Variants in CHL1 observed in about 807,000 individuals in gnomAD.
The protein encoded by CHL1 is cell adhesion molecule L1 like.
A neutral mutation model predicts 141.9 loss-of-function variants in CHL1; 96 were observed. That is an observed-to-expected ratio of 0.68 (90% CI 0.57 to 0.80). CHL1 has a LOEUF of 0.80. CHL1 is among the 30% of genes least tolerant of loss of function. The pLI, the probability that CHL1 is intolerant of heterozygous loss-of-function variation, is 0.00. For missense variants in CHL1, 1,820 were observed against 1,457.2 expected, an observed-to-expected ratio of 1.25 and a Z score of -4.05; for synonymous variants, 613 against 502.2, an observed-to-expected ratio of 1.22 and a Z score of -2.95.
chr3:292,181 A>C (rs1192935718), intron 2 of CHL1, among the ~76,000 whole-genome samples: 1 of 152,208 alleles, frequency 6.6e-6, no homozygotes, highest in East Asian at 1.9e-4. Context: ...AATCTTATAA[A>C]AATATCTAAA....
rs1173555228 is a variant in CHL1 at position 329,998 on chromosome 3, G to A, written c.385+1644G>A. 4.6e-5 allele frequency among the ~76,000 whole-genome samples: 7 copies of A among 152,108 alleles called. 1 individual carries two copies. The highest frequency in any genetic ancestry group is 1.7e-4 in the African/African-American group (7 of 41,544). ...CACTCAAGCAGAGAAAAACATCAGT[G>A]AGCATATAGAAGATTTAAAGAATAC... On this transcript the variant is annotated intron_variant, in intron 5 of 27. Coordinates refer to ENST00000256509, the MANE Select transcript of CHL1 (RefSeq NM_006614.4).
intron 24 of CHL1, among the ~76,000 whole-genome samples, chr3:396,248 G>T (rs934783242): frequency 2.0e-5 from 3 of 152,110 alleles, no homozygotes; most frequent in Non-Finnish European, 4.4e-5. Context: ...GTAACTAAAA[G>T]GTTCTTATGT....
chr3:268,521 C>T (rs1443340010), intron 2 of CHL1, among the ~76,000 whole-genome samples: 1 of 151,584 alleles, frequency 6.6e-6, no homozygotes, highest in South Asian at 2.1e-4. Flanking sequence ...GGTGACAGAG[C>T]GGGACCCCAT....
intron 2 of CHL1, among the ~76,000 whole-genome samples, chr3:265,938 T>C (rs541538363): frequency 1.8e-4 from 28 of 152,286 alleles, no homozygotes; most frequent in African/African-American, 6.3e-4. Context: ...AACCATCCCA[T>C]GCACAGAGAA....
At chr3:300,211 C>G (rs947029979) in intron 2 of CHL1, among the ~76,000 whole-genome samples, 4 of 152,178 alleles carry the variant, frequency 2.6e-5, no homozygotes, top group Non-Finnish European at 5.9e-5. Flanking sequence ...CCCAAGATAT[C>G]AGTTTGAATC....
rs1312193108 is a variant in CHL1, at chr3:341,961, A to T, written c.558A>T (p.Gly186=). The T allele has an allele frequency of 1.9e-6, 3 of 1,613,102 alleles. No homozygotes were observed. The Admixed American group carries it at 5.0e-5, about 27-fold the overall frequency. Residue 186 remains glycine (G), a synonymous_variant, in exon 7 of 28, where the codon GGA becomes GGT. Transcript: ENST00000256509. ...QDERVYMSQK[G]DLYFANVEEK... is the part of the protein sequence containing the mutation. ...AAAGAGTATACATGAGCCAAAAGGG[A>T]GATCTATACTTCGCAAACGTGGAAG...
rs773937277 is a variant in CHL1 at position 405,610 on chromosome 3, A to G, written c.3574A>G (p.Ser1192Gly). The G allele has an allele frequency of 1.9e-6, 3 of 1,613,286 alleles. No individual in the cohort carries two copies. The highest frequency in any genetic ancestry group is 1.3e-5 in the African/African-American group (1 of 74,864). ...EYGEGDHGLF[S>G]EDGSFIGAYA... ...CGGAGAGGGAGACCATGGTCTCTTC[A>G]GTGAAGATGGATCATTTATTGGTGC... Residue 1192 changes from serine (S) to glycine (G), a missense_variant, in exon 28 of 28, where the codon AGT becomes GGT. Ser to Gly is a moderately conservative substitution (Grantham distance 56). Transcript: ENST00000256509.
At chr3:348,738 T>G (rs1213582726) in intron 9 of CHL1, among the ~76,000 whole-genome samples, 1 of 152,214 alleles carries the variant, frequency 6.6e-6, no homozygotes, top group East Asian at 1.9e-4. Context: ...CATTCCTCCT[T>G]TCCTCTGCTT....
intron 2 of CHL1, among the ~76,000 whole-genome samples, chr3:272,442 G>C (rs959736647): frequency 6.6e-6 from 1 of 152,126 alleles, no homozygotes; most frequent in African/African-American, 2.4e-5. Flanking sequence ...ATTTCAGGAA[G>C]GCAAACTGCA....
At chr3:205,636 T>C (rs531102682) in intron 1 of CHL1, among the ~76,000 whole-genome samples, 1 of 152,160 alleles carries the variant, frequency 6.6e-6, no homozygotes, top group South Asian at 2.1e-4. Flanking sequence ...TATGTTTGTG[T>C]GTGTCTGTGT....
At chr3:210,436 G>A (rs1041523197) in intron 1 of CHL1, among the ~76,000 whole-genome samples, 2 of 152,324 alleles carry the variant, frequency 1.3e-5, no homozygotes, top group East Asian at 3.9e-4. Context: ...GCCCCAGGAT[G>A]GCTTCCCTCA....
chr3:242,372 A>G (rs9878425), intron 1 of CHL1, among the ~76,000 whole-genome samples: 10,669 of 143,278 alleles, frequency 0.074, 1,113 homozygotes, highest in African/African-American at 0.24. Context: ...TGAGGGGGGC[A>G]GATCACGAGG....
At chr3:365,456 C>G (rs1274614117) in intron 14 of CHL1, among the ~76,000 whole-genome samples, 2 of 152,218 alleles carry the variant, frequency 1.3e-5, no homozygotes, top group African/African-American at 4.8e-5. Flanking sequence ...GAAACAGTCA[C>G]AGGCCCTACT....
chr3:237,080 C>T (rs777990143), intron 1 of CHL1, among the ~76,000 whole-genome samples: 2 of 152,142 alleles, frequency 1.3e-5, no homozygotes, highest in Non-Finnish European at 2.9e-5. Flanking sequence ...ACGCTGTTGG[C>T]TTCTAATATG....
intron 2 of CHL1, among the ~76,000 whole-genome samples, chr3:254,491 T>A (rs903727671): frequency 2.6e-4 from 40 of 152,222 alleles, no homozygotes; most frequent in African/African-American, 8.9e-4. Flanking sequence ...AAAGATAGGT[T>A]TTTTAGCTGG....
intron 2 of CHL1, among the ~76,000 whole-genome samples, chr3:272,690 A>T (rs1338470136): frequency 2.0e-5 from 3 of 152,230 alleles, no homozygotes; most frequent in Non-Finnish European, 2.9e-5. Flanking sequence ...ATGTTCAAAT[A>T]GTTCAAAGCA....
At position 213,442 on chromosome 3, in the gene CHL1, T is replaced by A. The variant is rs1234339879; in HGVS notation, c.-175+16379T>A. ...TGAGTGAAAATCACTGCTGGATAGGTGAATTCCAAGATGAAATAGATAGAC... is the reference window on the plus strand; with the variant it reads ...TGAGTGAAAATCACTGCTGGATAGGAGAATTCCAAGATGAAATAGATAGAC... On this transcript the variant is annotated intron_variant, in intron 1 of 27. Transcript: ENST00000256509. 2.6e-5 allele frequency: 4 copies of A among 152,170 alleles called. No individual in the cohort carries two copies. The East Asian group carries it at 7.7e-4, about 29-fold the overall frequency. 9.4% of individuals were successfully genotyped at this position (152,170 alleles called of 1,614,324 possible).
chr3:365,067 C>G (rs975131379), intron 14 of CHL1, among the ~76,000 whole-genome samples: 1 of 152,130 alleles, frequency 6.6e-6, no homozygotes, highest in Non-Finnish European at 1.5e-5. Flanking sequence ...TTTATTAATA[C>G]TTTCCATTTT....
chr3:199,771 C>T (rs1698748752), intron 1 of CHL1, among the ~76,000 whole-genome samples: 1 of 152,114 alleles, frequency 6.6e-6, no homozygotes, highest in Non-Finnish European at 1.5e-5. Context: ...CTTCTGAAAT[C>T]TTTGAAGATA....
Sources: allele counts gnomAD v4.1 joint callset (sites outside exome capture counted in the v4.1 genomes callset), GRCh38; gene constraint gnomAD v4.1.1; transcripts MANE v1.5; gene names NCBI Gene and HGNC (gene_info 2026-07-23, HGNC 2026-07-21).